LRRC37A2: variants seen among roughly 807,000 people sequenced by gnomAD.
LRRC37A2 encodes the protein leucine rich repeat containing 37 member A2, also known as leucine-rich repeat-containing protein 37A2.
A neutral mutation model predicts 68.8 loss-of-function variants in LRRC37A2; 9 were observed. That is an observed-to-expected ratio of 0.13 (90% confidence interval 0.08 to 0.23). The LOEUF (loss-of-function observed/expected upper bound fraction) is 0.23. LRRC37A2 is among the 10% of genes least tolerant of loss of function. The pLI is 1.00. For synonymous variants in LRRC37A2, 63 were observed against 367.6 expected, an observed-to-expected ratio of 0.17 and a Z score of 9.48; for missense variants, 168 against 950.4, an observed-to-expected ratio of 0.18 and a Z score of 10.82.
the LRRC37A2 span, among the ~76,000 whole-genome samples, chr17:46,980,666 C>CAAAAAAAAAAAAAATAAA: frequency 1.2e-5 from 1 of 83,886 alleles, no homozygotes; most frequent in Non-Finnish European, 2.6e-5. Context: ...ACTAAAAATA[C>CAAAAAAAAAAAAAATAAA]AAAAAAAAAA....
chr17:47,015,677 A>G, the LRRC37A2 span, among the ~76,000 whole-genome samples: 1 of 152,246 alleles, frequency 6.6e-6, no homozygotes, highest in African/African-American at 2.4e-5. Context: ...AAAGGAGCAA[A>G]AGTATCATTT....
chr17:46,947,691 G>C, the LRRC37A2 span, among the ~76,000 whole-genome samples: 3 of 152,224 alleles, frequency 2.0e-5, no homozygotes, highest in Non-Finnish European at 4.4e-5. Flanking sequence ...CGTCCTGTCT[G>C]TATAGTGAGA....
chr17:46,980,897 T>C, the LRRC37A2 span, among the ~76,000 whole-genome samples: 1 of 151,992 alleles, frequency 6.6e-6, no homozygotes. Flanking sequence ...TCCTACTAAA[T>C]TGCTTTCCAG....
the LRRC37A2 span, among the ~76,000 whole-genome samples, chr17:46,779,817 A>AGCGT: frequency 2.6e-5 from 4 of 152,068 alleles, no homozygotes; most frequent in Non-Finnish European, 5.9e-5. Flanking sequence ...TGGAGTACAA[A>AGCGT]GCGTGATCTT....
the LRRC37A2 span, among the ~76,000 whole-genome samples, chr17:46,625,879 T>TAAAA: frequency 5.8e-4 from 34 of 59,004 alleles, no homozygotes; most frequent in South Asian, 9.7e-4. Flanking sequence ...CCACATGTAT[T>TAAAA]AAAAAAAAAA....
At chr17:46,923,840 C>T in the LRRC37A2 span, 1 of 399,150 alleles carries the variant, frequency 2.5e-6, no homozygotes, top group East Asian at 3.6e-5. Flanking sequence ...CATCGTCCTG[C>T]ACTTTCGGAA....
At chr17:46,895,027 G>A in the LRRC37A2 span, among the ~76,000 whole-genome samples, 1 of 152,208 alleles carries the variant, frequency 6.6e-6, no homozygotes, top group Non-Finnish European at 1.5e-5. Context: ...GCCGGATCTC[G>A]GCAGAGCAGA....
chr17:47,018,807 C>A, the LRRC37A2 span: 1 of 1,521,114 alleles, frequency 6.6e-7, no homozygotes, highest in African/African-American at 1.4e-5. Context: ...GCATTCACCC[C>A]TGACTCAAGC....
At chr17:46,870,303 A>G in the LRRC37A2 span, among the ~76,000 whole-genome samples, 6 of 152,178 alleles carry the variant, frequency 3.9e-5, no homozygotes, top group Non-Finnish European at 7.3e-5. Context: ...GCTGCCCTCC[A>G]CACTGGAAGC....
the LRRC37A2 span, chr17:46,751,601 C>A: frequency 6.2e-7 from 1 of 1,610,732 alleles, no homozygotes; most frequent in Admixed American, 1.7e-5. Flanking sequence ...TAATGCTGAT[C>A]GAGATGTCCC....
At chr17:46,695,333 T>C in the LRRC37A2 span, among the ~76,000 whole-genome samples, 6 of 119,602 alleles carry the variant, frequency 5.0e-5, no homozygotes, top group Non-Finnish European at 1.0e-4. Context: ...TCAGCAAATA[T>C]ATTGAATAGT....
the LRRC37A2 span, among the ~76,000 whole-genome samples, chr17:46,987,098 C>A: frequency 6.6e-6 from 1 of 152,070 alleles, no homozygotes; most frequent in African/African-American, 2.4e-5. Flanking sequence ...CAAAAATTAG[C>A]CAAGCGTGGT....
chr17:46,715,908 C>T, the LRRC37A2 span, among the ~76,000 whole-genome samples: 88 of 152,174 alleles, frequency 5.8e-4, no homozygotes, highest in Middle Eastern at 3.4e-3. Context: ...ATTCACTGTC[C>T]GGATCATCCG....
the LRRC37A2 span, among the ~76,000 whole-genome samples, chr17:46,758,445 C>T: frequency 4.1e-4 from 62 of 152,210 alleles, no homozygotes; most frequent in Non-Finnish European, 5.7e-4. Flanking sequence ...GATTACAGAA[C>T]GGCCTGTGAA....
At chr17:46,732,229 G>A in the LRRC37A2 span, among the ~76,000 whole-genome samples, 1 of 152,128 alleles carries the variant, frequency 6.6e-6, no homozygotes, top group African/African-American at 2.4e-5. Flanking sequence ...TGCATTTGTT[G>A]TATTTCCAGC....
At chr17:46,997,995 C>T in the LRRC37A2 span, among the ~76,000 whole-genome samples, 18 of 145,446 alleles carry the variant, frequency 1.2e-4, no homozygotes, top group East Asian at 1.0e-3. Context: ...AAAGAATAAA[C>T]GGAAAAAGAG....
the LRRC37A2 span, chr17:46,768,671 G>A: frequency 6.2e-7 from 1 of 1,614,180 alleles, no homozygotes; most frequent in South Asian, 1.1e-5. The surrounding 1 kb of genome is among the most constrained non-coding windows in gnomAD (Gnocchi z 5.0). Flanking sequence ...CCGAGGCGCT[G>A]TCATACTTGT....
the LRRC37A2 span, among the ~76,000 whole-genome samples, chr17:46,740,654 A>G: frequency 6.7e-6 from 1 of 149,698 alleles, no homozygotes; most frequent in East Asian, 1.9e-4. Flanking sequence ...GTACAACTTT[A>G]TCTTTTTCTT....
At chr17:46,837,322 C>A in the LRRC37A2 span, among the ~76,000 whole-genome samples, 2 of 152,148 alleles carry the variant, frequency 1.3e-5, no homozygotes, top group African/African-American at 2.4e-5. Flanking sequence ...CCTGCAGTGA[C>A]AAGGCTGGCC....
Sources: allele counts gnomAD v4.1 joint callset (sites outside exome capture counted in the v4.1 genomes callset), GRCh38; gene constraint gnomAD v4.1.1; non-coding constraint Gnocchi (gnomAD v3.1); transcripts MANE v1.5; gene names NCBI Gene and HGNC (gene_info 2026-07-23, HGNC 2026-07-21).